The following PDE4D variants were observed in gnomAD, a reference collection of about 807,000 sequenced individuals.
PDE4D encodes 3',5'-cyclic-AMP phosphodiesterase 4D.
PDE4D carries 24 observed loss-of-function variants against 87.4 expected under a neutral mutation model. That is an observed-to-expected ratio of 0.27 (90% CI 0.20 to 0.39). The LOEUF is 0.39. PDE4D is among the 10% of genes least tolerant of loss of function. The pLI is 1.00. For synonymous variants in PDE4D, 384 were observed against 383.2 expected (o/e 1.00, Z -0.02); for missense variants, 714 against 1,041.0 (o/e 0.69, Z 4.32).
chr5:59,908,073 A>C (rs1050895982), intron 3 of PDE4D, among the ~76,000 whole-genome samples: 3 of 152,112 alleles, frequency 2.0e-5, no homozygotes, highest in Non-Finnish European at 4.4e-5. Context: ...ATAACGTTTT[A>C]ACTCTTCAAT....
intron 1 of PDE4D, among the ~76,000 whole-genome samples, chr5:59,693,440 A>T (rs1751286390): frequency 6.6e-6 from 1 of 152,182 alleles, no homozygotes; most frequent in Non-Finnish European, 1.5e-5. Flanking sequence ...GCCAAAAAGA[A>T]GGAAGGCTGA....
At chr5:59,392,167 G>C (rs1381130030) in intron 1 of PDE4D, among the ~76,000 whole-genome samples, 2 of 151,736 alleles carry the variant, frequency 1.3e-5, no homozygotes, top group African/African-American at 4.8e-5. Flanking sequence ...TTGATCCTGG[G>C]TGTGTCTGTG....
intron 6 of PDE4D, among the ~76,000 whole-genome samples, chr5:59,032,917 A>C (rs1466264590): frequency 6.6e-6 from 1 of 152,224 alleles, no homozygotes; most frequent in Non-Finnish European, 1.5e-5. Context: ...AATATTAGAT[A>C]GGAAACAACA....
chr5:60,350,570 T>C (rs141520274), intron 1 of PDE4D, among the ~76,000 whole-genome samples: 28 of 152,236 alleles, frequency 1.8e-4, no homozygotes, highest in African/African-American at 6.7e-4. Flanking sequence ...ATATCAGAAA[T>C]GCGTCGATGG....
At chr5:59,254,552 G>T (rs1305034913) in intron 1 of PDE4D, among the ~76,000 whole-genome samples, 1 of 152,006 alleles carries the variant, frequency 6.6e-6, no homozygotes, top group Non-Finnish European at 1.5e-5. Flanking sequence ...CAAAGCACAG[G>T]TCAAGAAGCC....
chr5:59,471,524 A>C (rs1802443108), intron 1 of PDE4D, among the ~76,000 whole-genome samples: 4 of 152,222 alleles, frequency 2.6e-5, no homozygotes, highest in Admixed American at 6.5e-5. Flanking sequence ...TAAACTATTA[A>C]CTGACACAGG....
intron 1 of PDE4D, among the ~76,000 whole-genome samples, chr5:59,870,174 T>A (rs1747616612): frequency 6.6e-6 from 1 of 152,246 alleles, no homozygotes; most frequent in Admixed American, 6.5e-5. Flanking sequence ...TTTGCATTAA[T>A]GAGAGCAAAT....
At chr5:59,286,675 T>G (rs1561885187) in intron 1 of PDE4D, among the ~76,000 whole-genome samples, 1 of 152,128 alleles carries the variant, frequency 6.6e-6, no homozygotes, top group Non-Finnish European at 1.5e-5. Context: ...CAAAAGTAAC[T>G]CTTGAAAACA....
chr5:59,652,081 C>A (rs1362922196), intron 1 of PDE4D, among the ~76,000 whole-genome samples: 1 of 152,220 alleles, frequency 6.6e-6, no homozygotes, highest in African/African-American at 2.4e-5. Flanking sequence ...TTCCTCAAGA[C>A]TGCATTGCAG....
At chr5:59,219,634 T>C (rs962048006) in intron 1 of PDE4D, among the ~76,000 whole-genome samples, 3 of 152,108 alleles carry the variant, frequency 2.0e-5, no homozygotes, top group African/African-American at 7.2e-5. Context: ...TGTCCTTTTC[T>C]AGAAAGCACT....
chr5:60,152,117 T>A (rs999708826), intron 2 of PDE4D, among the ~76,000 whole-genome samples: 3 of 152,234 alleles, frequency 2.0e-5, no homozygotes, highest in Admixed American at 1.3e-4. Flanking sequence ...TAGTATATCA[T>A]CCTTTTAGTA....
At position 59,893,706 on chromosome 5, in the gene PDE4D, T is replaced by TGCC. The variant is rs1412781542; in HGVS notation, c.-87_-85dup. 164 of 1,370,868 alleles carry TGCC rather than the reference T, an allele frequency of 1.2e-4. No individual in the cohort carries two copies. The highest frequency in any genetic ancestry group is 3.1e-4 in the African/African-American group (20 of 64,692). 84.9% of individuals were successfully genotyped at this position (1,370,868 alleles called of 1,614,324 possible). A position where few individuals can be genotyped will look rare whatever the true frequency, so the allele number is the denominator to read the frequency against. On this transcript the variant is annotated 5_prime_UTR_variant, in exon 1 of 15. Coordinates refer to ENST00000340635, the MANE Select transcript of PDE4D (RefSeq NM_001104631.2). ...GCCTTCCTGATGCTGCTGCTGCTGC[T>TGCC]GCCGCCGCCGCCGCTTCTGCAGCCC... is the stretch of plus-strand genomic sequence containing the variant.
intron 1 of PDE4D, among the ~76,000 whole-genome samples, chr5:60,440,231 T>C (rs1745094761): frequency 6.6e-6 from 1 of 152,158 alleles, no homozygotes; most frequent in Non-Finnish European, 1.5e-5. Context: ...TTTTGACTAG[T>C]TTGATAATGA....
At chr5:59,330,004 C>A (rs967492223) in intron 1 of PDE4D, among the ~76,000 whole-genome samples, 1 of 152,202 alleles carries the variant, frequency 6.6e-6, no homozygotes, top group Non-Finnish European at 1.5e-5. Flanking sequence ...GAGTCAAAGC[C>A]ATTCTATAAA....
At chr5:60,048,875 T>C (rs1769695291) in intron 2 of PDE4D, among the ~76,000 whole-genome samples, 1 of 152,212 alleles carries the variant, frequency 6.6e-6, no homozygotes, top group South Asian at 2.1e-4. Context: ...AGTATCTTTT[T>C]GGCATTCTCT....
intron 1 of PDE4D, among the ~76,000 whole-genome samples, chr5:60,502,764 G>A (rs1368872086): frequency 2.0e-5 from 3 of 152,134 alleles, no homozygotes; most frequent in Admixed American, 6.5e-5. Context: ...TCCCTTCAAA[G>A]CAGTAATAAA....
intron 1 of PDE4D, among the ~76,000 whole-genome samples, chr5:59,396,206 C>T (rs1309130062): frequency 2.6e-5 from 3 of 116,258 alleles, no homozygotes; most frequent in African/African-American, 3.6e-5. Flanking sequence ...GGCAGGCCAA[C>T]GTTCAGATTC....
intron 1 of PDE4D, among the ~76,000 whole-genome samples, chr5:60,282,652 T>C (rs1562285938): frequency 6.6e-6 from 1 of 152,226 alleles, no homozygotes. Flanking sequence ...TCCAGGATTA[T>C]TCCATTTGGA....
At chr5:59,803,965 TATA>T (rs1216141203) in intron 1 of PDE4D, among the ~76,000 whole-genome samples, 1 of 152,202 alleles carries the variant, frequency 6.6e-6, no homozygotes. Context: ...ATATATAGCT[TATA>T]ATATTTTAGA....
Sources: allele counts gnomAD v4.1 joint callset (sites outside exome capture counted in the v4.1 genomes callset), GRCh38; gene constraint gnomAD v4.1.1; transcripts MANE v1.5; gene names NCBI Gene and HGNC (gene_info 2026-07-23, HGNC 2026-07-21).